The following PGBD2 variants were observed in gnomAD, a reference collection of about 807,000 sequenced individuals.
The protein encoded by PGBD2 is piggyBac transposable element derived 2.
PGBD2 carries 6 observed loss-of-function variants against 8.1 expected under a neutral mutation model. The observed-to-expected ratio is 0.74, with a 90% CI of 0.40 to 1.46. The LOEUF (loss-of-function observed/expected upper bound fraction) is 1.46, where lower values mean the gene tolerates loss of function less well. PGBD2 is among the 40% of genes most tolerant of loss of function. The probability of loss-of-function intolerance (pLI) is 0.02; values close to 1 mark genes in which losing one functional copy is unlikely to be tolerated. For synonymous variants in PGBD2, 318 were observed against 272.2 expected, an observed-to-expected ratio of 1.17 and a Z score of -1.66; for missense variants, 802 against 739.0, an observed-to-expected ratio of 1.09 and a Z score of -0.99.
chr1:248,910,926 C>T lies in PGBD2; in HGVS notation c.-47-2890C>T, dbSNP rs187067122. 2.2e-3 allele frequency among the ~76,000 whole-genome samples: 341 copies of T among 152,150 alleles called. 1 individual carries two copies. The highest frequency in any genetic ancestry group is 7.2e-3 in the African/African-American group (300 of 41,492). On this transcript the variant is annotated intron_variant, in intron 1 of 2. Transcript: ENST00000329291. ...TCGAAGTGTGTAATTTGATGAGTTT[C>T]GGCATGTGACCACACCGTGAAACCA... is the stretch of plus-strand genomic sequence containing the variant.
At chr1:248,914,104 G>A (rs1662008853) in intron 2 of PGBD2, among the ~76,000 whole-genome samples, 1 of 152,190 alleles carries the variant, frequency 6.6e-6, no homozygotes, top group African/African-American at 2.4e-5. Context: ...GTTTACACTC[G>A]ATAGAAAACC....
rs967184115 is a variant in PGBD2 at position 248,906,238 on chromosome 1, C to G, written c.-152C>G. On this transcript the variant is annotated 5_prime_UTR_variant, in exon 1 of 3. Transcript: ENST00000329291. ...GTGCAGCGAGCCCTCTGGTGCCGGA[C>G]GTTGCGCGGCCGCGACGCCCGACGC... is the stretch of plus-strand genomic sequence containing the variant. 6.6e-6 allele frequency: 1 copy of G among 151,790 alleles called. No homozygotes were observed. Among genetic ancestry groups the G allele is most frequent in the African/African-American group, 2.4e-5 (1 of 41,314 alleles). 9.4% of individuals were successfully genotyped at this position (151,790 alleles called of 1,614,324 possible).
the PGBD2 span, among the ~76,000 whole-genome samples, chr1:248,926,788 G>C: frequency 6.6e-6 from 1 of 151,920 alleles, no homozygotes; most frequent in African/African-American, 2.4e-5. Context: ...AATATCCTAT[G>C]TTCCAAAAGC....
At chr1:248,926,069 G>A in the PGBD2 span, among the ~76,000 whole-genome samples, 1 of 151,866 alleles carries the variant, frequency 6.6e-6, no homozygotes, top group African/African-American at 2.4e-5. Context: ...CAGCAGAAGG[G>A]CCTCCACCTT....
the PGBD2 span, among the ~76,000 whole-genome samples, chr1:248,884,739 A>G: frequency 6.6e-6 from 1 of 152,332 alleles, no homozygotes; most frequent in African/African-American, 2.4e-5. Flanking sequence ...AGATTCAGAG[A>G]TTCTTTAATT....
chr1:248,908,563 T>G (rs1297136029), intron 1 of PGBD2, among the ~76,000 whole-genome samples: 3 of 152,222 alleles, frequency 2.0e-5, no homozygotes, highest in Non-Finnish European at 2.9e-5. Context: ...CCCACCCTTT[T>G]GCCGTAGCCT....
At chr1:248,906,877 T>C (rs777799378) in intron 1 of PGBD2, among the ~76,000 whole-genome samples, 5 of 152,284 alleles carry the variant, frequency 3.3e-5, no homozygotes, top group Admixed American at 6.5e-5. Context: ...AAGGGAGGGT[T>C]CTTCCGTATC....
intron 2 of PGBD2, 85 bp from the exon 3 acceptor site, chr1:248,916,517 T>C (rs1662102994): frequency 1.9e-5 from 23 of 1,194,806 alleles, no homozygotes; most frequent in Non-Finnish European, 2.4e-5. Flanking sequence ...GGAAGTGTTT[T>C]ATAGTGGGAG....
chr1:248,873,782 C>T, the PGBD2 span, among the ~76,000 whole-genome samples: 3 of 152,192 alleles, frequency 2.0e-5, no homozygotes, highest in Non-Finnish European at 1.5e-5. Context: ...GGCCGCAACT[C>T]GGGTGTGACG....
the PGBD2 span, among the ~76,000 whole-genome samples, chr1:248,875,462 G>T: frequency 6.6e-6 from 1 of 151,942 alleles, no homozygotes; most frequent in South Asian, 2.1e-4. Flanking sequence ...GTCTACATTC[G>T]AATTTTCCCC....
the PGBD2 span, among the ~76,000 whole-genome samples, chr1:248,884,848 C>T: frequency 6.6e-6 from 1 of 152,190 alleles, no homozygotes; most frequent in Non-Finnish European, 1.5e-5. Context: ...TAATGACCTG[C>T]AGGTGTGCCT....
intron 1 of PGBD2, among the ~76,000 whole-genome samples, chr1:248,908,164 A>T (rs558650136): frequency 6.6e-6 from 1 of 152,174 alleles, no homozygotes; most frequent in Non-Finnish European, 1.5e-5. Flanking sequence ...AGGTTCCAAG[A>T]CAGCATTTAG....
At chr1:248,916,390 A>G (rs1402640593) in intron 2 of PGBD2, among the ~76,000 whole-genome samples, 1 of 152,166 alleles carries the variant, frequency 6.6e-6, no homozygotes, top group Non-Finnish European at 1.5e-5. Flanking sequence ...GTGACAGAGC[A>G]TGACTCCGTC....
upstream of PGBD2, among the ~76,000 whole-genome samples, chr1:248,905,239 A>G (rs1021081660): frequency 1.3e-5 from 2 of 152,214 alleles, no homozygotes; most frequent in African/African-American, 2.4e-5. Flanking sequence ...TGACCAAAAA[A>G]CCTTTGTGAA....
chr1:248,915,920 T>C (rs1662081847), intron 2 of PGBD2, among the ~76,000 whole-genome samples: 2 of 152,174 alleles, frequency 1.3e-5, no homozygotes, highest in African/African-American at 2.4e-5. Flanking sequence ...CCATTGAGTC[T>C]GAGGGGACAG....
the PGBD2 span, among the ~76,000 whole-genome samples, chr1:248,877,446 A>G: frequency 6.6e-6 from 1 of 152,156 alleles, no homozygotes; most frequent in African/African-American, 2.4e-5. Flanking sequence ...ACAAGCATGC[A>G]CACAAATTTA....
At chr1:248,887,776 A>G in the PGBD2 span, among the ~76,000 whole-genome samples, 1 of 152,092 alleles carries the variant, frequency 6.6e-6, no homozygotes, top group African/African-American at 2.4e-5. Flanking sequence ...AATGGCAAAA[A>G]CCACAAACAC....
the PGBD2 span, among the ~76,000 whole-genome samples, chr1:248,873,350 G>C: frequency 2.4e-4 from 36 of 152,348 alleles, no homozygotes; most frequent in African/African-American, 7.7e-4. Flanking sequence ...ATCGCCAACC[G>C]TATCTGTGTG....
chr1:248,906,782 T>C (rs970418478), intron 1 of PGBD2, among the ~76,000 whole-genome samples: 19 of 152,182 alleles, frequency 1.2e-4, no homozygotes, highest in African/African-American at 4.3e-4. Flanking sequence ...GCGGGTCGTT[T>C]TTAACTGCGT....
Sources: gnomAD v4.1 joint callset for allele counts (sites outside exome capture counted in the v4.1 genomes callset) on GRCh38, gnomAD v4.1.1 for gene constraint, MANE v1.5 for transcripts, NCBI Gene and HGNC (gene_info 2026-07-23, HGNC 2026-07-21) for gene names.